ACSF2: variants seen among roughly 807,000 people sequenced by gnomAD.
ACSF2 encodes the protein acyl-CoA synthetase family member 2.
In ACSF2, 52 loss-of-function variants were observed where a neutral mutation model predicts 79.3. That is an observed-to-expected ratio of 0.66 (90% CI 0.53 to 0.83). ACSF2 has a LOEUF of 0.83. Ranked by LOEUF, ACSF2 falls within the 40% of genes least tolerant of loss-of-function variation. ACSF2 has a pLI of 0.00. For synonymous variants in ACSF2, 283 were observed against 312.6 expected (o/e 0.91, Z 1.00); for missense variants, 661 against 803.3 (o/e 0.82, Z 2.14).
intron 1 of ACSF2, among the ~76,000 whole-genome samples, chr17:50,440,475 C>A (rs1449722457): frequency 2.0e-5 from 3 of 152,226 alleles, no homozygotes; most frequent in African/African-American, 7.2e-5. Flanking sequence ...CAAACAGCTT[C>A]TCCTCTTATG....
chr17:50,435,682 G>C (rs1364824099), intron 1 of ACSF2, among the ~76,000 whole-genome samples: 1 of 152,076 alleles, frequency 6.6e-6, no homozygotes, highest in South Asian at 2.1e-4. Context: ...AAAGTGCTAA[G>C]ATTACTTTAC....
At chr17:50,467,723 G>T in intron 10 of ACSF2, 1 of 283,696 alleles carries the variant, frequency 3.5e-6, no homozygotes, top group Non-Finnish European at 6.5e-6. Context: ...CCAACAGGAA[G>T]AGGTGGCTGC....
At chr17:50,426,971 A>G in intron 1 of ACSF2, 1 of 1,535,764 alleles carries the variant, frequency 6.5e-7, no homozygotes, top group Non-Finnish European at 8.7e-7. Flanking sequence ...CTGCCTCTGC[A>G]GCAGCACAGT....
chr17:50,461,878 A>G (rs1157009683), intron 4 of ACSF2, among the ~76,000 whole-genome samples, 192 bp downstream of exon 4: 1 of 151,588 alleles, frequency 6.6e-6, no homozygotes, highest in Non-Finnish European at 1.5e-5. Flanking sequence ...GTCAGACACA[A>G]ACCTGGCGTG....
chr17:50,458,127 G>C (rs1215731170), intron 1 of ACSF2, among the ~76,000 whole-genome samples: 2 of 152,146 alleles, frequency 1.3e-5, no homozygotes, highest in Admixed American at 6.5e-5. Context: ...TGATGTCCCT[G>C]GAGGGACAAG....
At chr17:50,447,822 C>T (rs2031398697) in intron 1 of ACSF2, among the ~76,000 whole-genome samples, 1 of 152,144 alleles carries the variant, frequency 6.6e-6, no homozygotes, top group South Asian at 2.1e-4. Context: ...ACGCTTGAGG[C>T]GTACCTTTAT....
At chr17:50,461,431 C>A in intron 3 of ACSF2, 61 bp downstream of exon 3, 1 of 1,607,836 alleles carries the variant, frequency 6.2e-7, no homozygotes, top group Non-Finnish European at 8.5e-7. Flanking sequence ...TGAAGGGGAG[C>A]CCCTCAGGCC....
At chr17:50,467,842 T>C (rs900104095) in intron 10 of ACSF2, 2 of 559,340 alleles carry the variant, frequency 3.6e-6, no homozygotes, top group African/African-American at 1.9e-5. Context: ...AGGGCAGTGG[T>C]CGAGACTGGC....
chr17:50,443,924 A>G (rs2031118236), intron 1 of ACSF2, among the ~76,000 whole-genome samples: 5 of 152,198 alleles, frequency 3.3e-5, no homozygotes, highest in African/African-American at 9.6e-5. Flanking sequence ...CACTGATTGC[A>G]TAAAGCCAGC....
At chr17:50,450,305 G>C (rs2031587423) in intron 1 of ACSF2, 1 of 152,196 alleles carries the variant, frequency 6.6e-6, no homozygotes, top group Non-Finnish European at 1.5e-5. Flanking sequence ...TTTGAGACCA[G>C]CCTGGCCAAC....
chr17:50,464,967 GA>G, intron 10 of ACSF2: 1 of 372,434 alleles, frequency 2.7e-6, no homozygotes, highest in South Asian at 2.5e-5. Flanking sequence ...GCTGTGGGGA[GA>G]AGGTATGGGT....
chr17:50,468,882 G>A, intron 10 of ACSF2: 2 of 1,439,450 alleles, frequency 1.4e-6, no homozygotes, highest in Non-Finnish European at 1.8e-6. Flanking sequence ...GCGAGTCCTA[G>A]GCGCTCGGGT....
At position 50,474,178 on chromosome 17, in the gene ACSF2, C is replaced by T; in HGVS notation, c.1729-21C>T. On this transcript the variant is annotated intron_variant, in intron 14 of 15. Transcript: ENST00000300441. This position sits in a 1 kb window ranked among gnomAD's most constrained non-coding sequence, Gnocchi z 4.2. ...GAGCTTGCGCAGCCTCACGCCTTAC[C>T]TCCCTCCCTCTGGTCTGCAGATCTC... 1.2e-6 allele frequency: 2 copies of T among 1,613,860 alleles called. No homozygotes were observed. Among genetic ancestry groups the T allele is most frequent in the Non-Finnish European group, 1.7e-6 (2 of 1,179,718 alleles).
intron 1 of ACSF2, among the ~76,000 whole-genome samples, chr17:50,439,259 T>TTA (rs1338650993): frequency 1.6e-4 from 24 of 147,334 alleles, no homozygotes; most frequent in Middle Eastern, 3.6e-3. Flanking sequence ...TTTTTTTTTT[T>TTA]AGAGATGGTC....
intron 1 of ACSF2, among the ~76,000 whole-genome samples, chr17:50,446,392 G>A (rs2031303656): frequency 6.6e-6 from 1 of 152,012 alleles, no homozygotes; most frequent in Non-Finnish European, 1.5e-5. Flanking sequence ...TGAGTAGCGG[G>A]GATTACAGGC....
intron 1 of ACSF2, among the ~76,000 whole-genome samples, chr17:50,454,720 C>A (rs1382474671): frequency 6.6e-6 from 1 of 152,166 alleles, no homozygotes; most frequent in Admixed American, 6.5e-5. Flanking sequence ...TTATTCCACA[C>A]AACGTGGCCA....
Position 50,474,378 on chromosome 17 carries a change from C to T in ACSF2, c.1797+111C>T, listed in dbSNP as rs936503420. On this transcript the variant is annotated intron_variant, in intron 15 of 15. Coordinates refer to ENST00000300441, the MANE Select transcript of ACSF2 (RefSeq NM_025149.6). The surrounding 1 kb of genome is among the most constrained non-coding windows in gnomAD (Gnocchi z 4.2). ...GTGGAGAGACTGGCAGTAGGGTGAC[C>T]GGGTCACCTAATCCTGGTTTGCCTG... is the stretch of plus-strand genomic sequence containing the variant. 4.5e-5 allele frequency: 68 copies of T among 1,505,454 alleles called. No homozygotes were observed. The African/African-American group carries it at 7.1e-4, about 16-fold the overall frequency. The allele number at this position is 1,505,454 out of a possible 1,614,324, so 93.3% of individuals were successfully genotyped here.
rs112633417 is a variant in ACSF2 at position 50,469,319 on chromosome 17, G to A, written c.1216-1709G>A. Among the ~76,000 whole-genome samples, 1,024 of 152,360 alleles carry A rather than the reference G, an allele frequency of 6.7e-3. 14 individuals are homozygous for A. Among genetic ancestry groups the A allele is most frequent in the African/African-American group, 0.023 (973 of 41,590 alleles). On this transcript the variant is annotated intron_variant, in intron 10 of 15. Transcript: ENST00000300441. ...TGGATGCGAGGCGGGAGGAAGCGGGGCCGGACAGCTGGATGCGTCTCCCTG... is the reference window on the plus strand; with the variant it reads ...TGGATGCGAGGCGGGAGGAAGCGGGACCGGACAGCTGGATGCGTCTCCCTG...
Position 50,463,149 on chromosome 17 carries a change from T to G in ACSF2, c.793-7T>G. On this transcript the variant is annotated splice_polypyrimidine_tract_variant and splice_region_variant and intron_variant, in intron 6 of 15. Transcript: ENST00000300441. The surrounding 1 kb of genome is among the most constrained non-coding windows in gnomAD (Gnocchi z 4.6). ...GAGGCCAAGCCATGCCCTGTTTGCC[T>G]TGTCAGGGGACAACAGGCAGCCCCA... 1 of 1,613,212 alleles carries G rather than the reference T, an allele frequency of 6.2e-7. No individual in the cohort carries two copies. Among genetic ancestry groups the G allele is most frequent in the Admixed American group, 1.7e-5 (1 of 59,990 alleles).
Sources: gnomAD v4.1 joint callset for allele counts (sites outside exome capture counted in the v4.1 genomes callset) on GRCh38, gnomAD v4.1.1 for gene constraint, Gnocchi (gnomAD v3.1) non-coding constraint, MANE v1.5 for transcripts, NCBI Gene and HGNC (gene_info 2026-07-23, HGNC 2026-07-21) for gene names.